SLC2A12: variants seen among roughly 807,000 people sequenced by gnomAD.
SLC2A12 encodes the protein solute carrier family 2 member 12.
A neutral mutation model predicts 41.8 loss-of-function variants in SLC2A12; 23 were observed. The observed-to-expected ratio is 0.55, with a 90% CI of 0.40 to 0.78. SLC2A12 has a LOEUF of 0.78. Ranked by LOEUF, SLC2A12 falls within the 30% of genes least tolerant of loss-of-function variation. The pLI, the probability that SLC2A12 is intolerant of heterozygous loss-of-function variation, is 0.00. For missense variants in SLC2A12, 654 were observed against 745.6 expected (o/e 0.88, Z 1.43); for synonymous variants, 295 against 285.9 (o/e 1.03, Z -0.32).
intron 1 of SLC2A12, among the ~76,000 whole-genome samples, chr6:134,045,796 T>C (rs1777448517): frequency 6.6e-6 from 1 of 152,230 alleles, no homozygotes; most frequent in Non-Finnish European, 1.5e-5. Context: ...AAAATCTTCA[T>C]AATACGGAGG....
At chr6:133,995,648 C>T (rs1041038498) in intron 4 of SLC2A12, among the ~76,000 whole-genome samples, 4 of 152,190 alleles carry the variant, frequency 2.6e-5, no homozygotes, top group African/African-American at 7.2e-5. Context: ...GCACTAGAAT[C>T]GCATGCTTTC....
At position 134,006,945 on chromosome 6, in the gene SLC2A12, G is replaced by A; in HGVS notation, c.1445-11C>T. On this transcript the variant is annotated splice_polypyrimidine_tract_variant and intron_variant, in intron 2 of 4. Coordinates refer to ENST00000275230, the MANE Select transcript of SLC2A12 (RefSeq NM_145176.3). ...GCACCAGCCAGGGCACTAGAAGAAAGGCAAGAGTGGGTGGCGGACAGCACA... is the reference window on the plus strand; with the variant it reads ...GCACCAGCCAGGGCACTAGAAGAAAAGCAAGAGTGGGTGGCGGACAGCACA... The A allele has an allele frequency of 6.2e-7, 1 of 1,613,756 alleles. No individual in the cohort carries two copies. The highest frequency in any genetic ancestry group is 8.5e-7 in the Non-Finnish European group (1 of 1,179,844).
rs1805813608 is a variant in SLC2A12, at chr6:134,051,517, A to G, written c.103+861T>C. Among the ~76,000 whole-genome samples the G allele has an allele frequency of 3.3e-5, 5 of 152,338 alleles. No homozygotes were observed. In the South Asian group the frequency reaches 6.2e-4, roughly 19 times the overall value. ...ACACAGCTGAGGAAAGTAGTAGGAA[A>G]GAGAAGATTTTTTGTGTTTGTTGTC... On this transcript the variant is annotated intron_variant, in intron 1 of 4. Coordinates refer to ENST00000275230, the MANE Select transcript of SLC2A12 (RefSeq NM_145176.3).
Position 134,029,088 on chromosome 6 carries a change from G to T in SLC2A12, c.737C>A (p.Thr246Lys). The change falls in exon 2 of 5, where the codon ACA becomes AAA. Residue 246 changes from threonine (T) to lysine (K), a missense_variant. Thr to Lys is a moderately conservative substitution (Grantham distance 78). Transcript: ENST00000275230. ...VLGRLRALSD[T>K]TEELTVIKSS... ...TTTGATCACAGTGAGTTCCTCAGTT[G>T]TATCTGAGAGTGCTCTTAACCTTCC... 1.2e-6 allele frequency: 2 copies of T among 1,614,168 alleles called. No homozygotes were observed. The highest frequency in any genetic ancestry group is 1.7e-6 in the Non-Finnish European group (2 of 1,180,030).
chr6:133,993,429 C>T (rs1166736029), intron 4 of SLC2A12, among the ~76,000 whole-genome samples: 1 of 152,216 alleles, frequency 6.6e-6, no homozygotes, highest in African/African-American at 2.4e-5. Context: ...TCCAGTTTCT[C>T]AGCTAAAACT....
chr6:134,043,751 C>G (rs1777416835), intron 1 of SLC2A12, among the ~76,000 whole-genome samples: 2 of 146,910 alleles, frequency 1.4e-5, no homozygotes, highest in South Asian at 4.3e-4. Context: ...GAGATCACAC[C>G]ACTGCACCCT....
intron 3 of SLC2A12, among the ~76,000 whole-genome samples, chr6:134,006,153 T>A (rs1196014754): frequency 1.7e-5 from 2 of 121,056 alleles, no homozygotes; most frequent in Non-Finnish European, 3.2e-5. Flanking sequence ...CACTCCAGCC[T>A]GGGCAACAGA....
At chr6:134,039,686 C>G (rs142388082) in intron 1 of SLC2A12, among the ~76,000 whole-genome samples, 17 of 152,236 alleles carry the variant, frequency 1.1e-4, no homozygotes, top group African/African-American at 3.4e-4. Context: ...ATATTCCCAC[C>G]AACTCTCATA....
At chr6:134,052,116 G>T (rs918839790) in intron 1 of SLC2A12, among the ~76,000 whole-genome samples, 2 of 152,106 alleles carry the variant, frequency 1.3e-5, no homozygotes, top group African/African-American at 2.4e-5. Flanking sequence ...TGTGTAACCT[G>T]TATTTTCTTG....
chr6:134,024,334 G>C (rs1217842589), intron 2 of SLC2A12, among the ~76,000 whole-genome samples: 4 of 152,206 alleles, frequency 2.6e-5, no homozygotes, highest in African/African-American at 9.7e-5. Flanking sequence ...CTGCTGCCAA[G>C]CAGAAGCTTC....
Position 134,028,985 on chromosome 6 carries a change from C to T in SLC2A12, c.840G>A (p.Met280Ile), listed in dbSNP as rs745672052. The T allele has an allele frequency of 6.2e-7, 1 of 1,614,110 alleles. No homozygotes were observed. Among genetic ancestry groups the T allele is most frequent in the Non-Finnish European group, 8.5e-7 (1 of 1,180,038 alleles). Residue 280 changes from methionine (M) to isoleucine (I), a missense_variant, in exon 2 of 5, where the codon ATG (methionine) becomes ATA (isoleucine). Around this residue, in one of 3 missense-constraint regions of SLC2A12, gnomAD observed 411 missense variants for 412.1 expected, o/e 1.00. Coordinates refer to ENST00000275230, the MANE Select transcript of SLC2A12 (RefSeq NM_145176.3). ...CAAAAAATACTAGTGTTAGTCCTAT[C>T]ATTATTCGGGTCCGCATGTTGTCTT... The part of the protein sequence containing the change: ...RSKDNMRTRI[M>I]IGLTLVFFVQ...
intron 1 of SLC2A12, among the ~76,000 whole-genome samples, chr6:134,040,058 G>GTTTTTTTTTTTTTT (rs11371413): frequency 1.4e-5 from 2 of 139,356 alleles, no homozygotes; most frequent in Non-Finnish European, 1.5e-5. Context: ...GTTGTTTTTT[G>GTTTTTTTTTTTTTT]TTTTTTTTTT....
At chr6:134,000,039 T>A (rs1245431348) in intron 4 of SLC2A12, among the ~76,000 whole-genome samples, 1 of 152,202 alleles carries the variant, frequency 6.6e-6, no homozygotes. Context: ...CAGAGTCTAA[T>A]GCTCACCAAG....
intron 1 of SLC2A12, among the ~76,000 whole-genome samples, chr6:134,050,707 C>T (rs1773670064): frequency 1.3e-5 from 2 of 152,144 alleles, no homozygotes; most frequent in African/African-American, 4.8e-5. Flanking sequence ...GTTAACATCA[C>T]CACCTCAGCT....
intron 1 of SLC2A12, among the ~76,000 whole-genome samples, chr6:134,031,838 A>G (rs535853997): frequency 6.6e-6 from 1 of 152,302 alleles, no homozygotes; most frequent in East Asian, 1.9e-4. Context: ...AGCAGCACAC[A>G]TTTGGTATTT....
rs760516649 is a variant in SLC2A12 at position 134,002,048 on chromosome 6, G to C, written c.1649C>G (p.Pro550Arg). Residue 550 changes from proline to arginine, a missense_variant, in exon 4 of 5, where the codon CCT becomes CGT. By Grantham distance (103) the Pro-to-Arg change is moderately radical (BLOSUM62 -2). This residue lies in a region of SLC2A12 where 134 missense variants were observed against 180.5 expected (regional missense o/e 0.74). Coordinates refer to ENST00000275230, the MANE Select transcript of SLC2A12 (RefSeq NM_145176.3). Reference protein sequence around the residue: ...ASLLFVVMFIPETKGCSLEQI... With the variant: ...ASLLFVVMFIRETKGCSLEQI... ...TTCCAAAGAGCATCCCTTTGTCTCAGGTATAAACATAACAACAAAAAGCAG... is the reference window on the plus strand; with the variant it reads ...TTCCAAAGAGCATCCCTTTGTCTCACGTATAAACATAACAACAAAAAGCAG... The C allele has an allele frequency of 2.7e-5, 43 of 1,605,878 alleles. No homozygotes were observed. Among genetic ancestry groups the C allele is most frequent in the Non-Finnish European group, 3.6e-5 (42 of 1,177,498 alleles).
intron 1 of SLC2A12, among the ~76,000 whole-genome samples, chr6:134,040,161 C>T (rs968832761): frequency 6.6e-6 from 1 of 151,608 alleles, no homozygotes; most frequent in African/African-American, 2.4e-5. Context: ...ACTGCAACCT[C>T]CACACCTCCC....
At chr6:134,047,257 T>G (rs527301536) in intron 1 of SLC2A12, among the ~76,000 whole-genome samples, 1 of 152,304 alleles carries the variant, frequency 6.6e-6, no homozygotes, top group African/African-American at 2.4e-5. Flanking sequence ...TCTATTCAAT[T>G]TTAAAATCTT....
chr6:134,032,434 A>T (rs1161096578), intron 1 of SLC2A12, among the ~76,000 whole-genome samples: 21 of 37,818 alleles, frequency 5.6e-4, no homozygotes, highest in African/African-American at 2.2e-3. Flanking sequence ...ATTTATATAT[A>T]TATATATATA....
Sources: allele counts gnomAD v4.1 joint callset (sites outside exome capture counted in the v4.1 genomes callset), GRCh38; gene constraint gnomAD v4.1.1; regional missense constraint gnomAD v4.1.1; transcripts MANE v1.5; gene names NCBI Gene and HGNC (gene_info 2026-07-23, HGNC 2026-07-21).